Variants in FAM227B observed in about 807,000 individuals in gnomAD.
FAM227B encodes protein FAM227B.
In FAM227B, 88 loss-of-function variants were observed where a neutral mutation model predicts 73.8. The ratio of observed to expected loss-of-function variants is 1.19; its 90% CI spans 1.00 to 1.42. FAM227B has a LOEUF of 1.42. Ranked by LOEUF, FAM227B falls within the 40% of genes most tolerant of loss-of-function variation. The pLI is 0.00. For synonymous variants in FAM227B, 210 were observed against 190.5 expected (o/e 1.10, Z -0.84); for missense variants, 632 against 590.9 (o/e 1.07, Z -0.72).
chr15:49,415,172 A>G (rs1476434387), intron 11 of FAM227B, among the ~76,000 whole-genome samples: 1 of 152,202 alleles, frequency 6.6e-6, no homozygotes. Flanking sequence ...AACATTTTTA[A>G]AAGAAAAATT....
At chr15:49,459,053 CTAATA>C (rs1455746581) in intron 11 of FAM227B, among the ~76,000 whole-genome samples, 2 of 152,180 alleles carry the variant, frequency 1.3e-5, no homozygotes, top group African/African-American at 4.8e-5. Flanking sequence ...TAATACTCAA[CTAATA>C]TATCTTCCTT....
intron 11 of FAM227B, among the ~76,000 whole-genome samples, chr15:49,398,199 C>T (rs1008808739): frequency 3.9e-5 from 6 of 152,068 alleles, no homozygotes; most frequent in Admixed American, 2.6e-4. Context: ...GTTGCAATCC[C>T]AGTCTCTGAT....
At chr15:49,519,998 C>A (rs1430657835) in intron 10 of FAM227B, among the ~76,000 whole-genome samples, 2 of 152,024 alleles carry the variant, frequency 1.3e-5, no homozygotes, top group Non-Finnish European at 2.9e-5. Context: ...TTTAAGAGCA[C>A]CCAAGTCACA....
intron 11 of FAM227B, among the ~76,000 whole-genome samples, chr15:49,479,869 C>A (rs2055762615): frequency 6.6e-6 from 1 of 152,174 alleles, no homozygotes; most frequent in African/African-American, 2.4e-5. Flanking sequence ...CCGCGTTGGC[C>A]TCCCAAAGTG....
chr15:49,510,905 C>T (rs2058947466), intron 10 of FAM227B, among the ~76,000 whole-genome samples: 1 of 151,814 alleles, frequency 6.6e-6, no homozygotes, highest in Non-Finnish European at 1.5e-5. Flanking sequence ...TCTTTCAAAG[C>T]TGCTGTTAAG....
chr15:49,378,886 A>G (rs2046340338), intron 11 of FAM227B, among the ~76,000 whole-genome samples: 1 of 152,102 alleles, frequency 6.6e-6, no homozygotes, highest in Admixed American at 6.6e-5. Context: ...TCTAGATCTT[A>G]GAGCTTTTAG....
At chr15:49,339,415 C>A (rs1042724434) in intron 13 of FAM227B, among the ~76,000 whole-genome samples, 2 of 152,082 alleles carry the variant, frequency 1.3e-5, no homozygotes, top group African/African-American at 4.8e-5. Context: ...GCTGTAGGTC[C>A]GCCCCAGACC....
At chr15:49,427,671 T>C (rs2050242968) in intron 11 of FAM227B, among the ~76,000 whole-genome samples, 1 of 152,070 alleles carries the variant, frequency 6.6e-6, no homozygotes, top group South Asian at 2.1e-4. Flanking sequence ...AGAATGTCAA[T>C]AGGCTTCAGA....
In FAM227B at chr15:49,367,679, A is replaced by G. The variant is rs2045426751; in HGVS notation, c.1111-71T>C. ...TCTAAAAAACTGTGAATAAAATATA[A>G]CTTCATATTTAGCATAAAGTTACCA... On this transcript the variant is annotated intron_variant, in intron 12 of 15. Transcript: ENST00000299338. 2 of 1,345,884 alleles carry G rather than the reference A, an allele frequency of 1.5e-6. 1 individual carries two copies. Among genetic ancestry groups the G allele is most frequent in the African/African-American group, 3.1e-5 (2 of 65,064 alleles). 83.4% of individuals were successfully genotyped at this position (1,345,884 alleles called of 1,614,324 possible).
intron 5 of FAM227B, among the ~76,000 whole-genome samples, chr15:49,578,162 G>A (rs1253249809): frequency 6.6e-6 from 1 of 152,182 alleles, no homozygotes; most frequent in African/African-American, 2.4e-5. Context: ...TCCTGCATTG[G>A]ACTGAAATAG....
intron 4 of FAM227B, among the ~76,000 whole-genome samples, 165 bp from the exon 5 acceptor site, chr15:49,588,248 A>C (rs564852894): frequency 1.3e-4 from 20 of 152,018 alleles, no homozygotes; most frequent in African/African-American, 4.8e-4. Context: ...AGCTGAATGA[A>C]TAACTGGAAT....
At chr15:49,548,344 C>A (rs954771180) in intron 9 of FAM227B, among the ~76,000 whole-genome samples, 75 of 152,106 alleles carry the variant, frequency 4.9e-4, no homozygotes, top group Non-Finnish European at 9.1e-4. Context: ...ATATGTTGAA[C>A]CATCCTTCCA....
intron 5 of FAM227B, 22 bp downstream of exon 5, chr15:49,587,994 G>A (rs368594090): frequency 2.1e-6 from 3 of 1,408,286 alleles, no homozygotes; most frequent in African/African-American, 2.9e-5. Context: ...TTTCAAGGAT[G>A]ATAAAAACAT....
intron 13 of FAM227B, among the ~76,000 whole-genome samples, chr15:49,341,014 G>A (rs527916506): frequency 6.6e-6 from 1 of 152,136 alleles, no homozygotes; most frequent in East Asian, 1.9e-4. Context: ...CATTTATTGA[G>A]TAGGAAGTCC....
chr15:49,479,253 CTTT>C (rs869124113), intron 11 of FAM227B, among the ~76,000 whole-genome samples: 2 of 152,086 alleles, frequency 1.3e-5, no homozygotes, highest in Admixed American at 6.5e-5. Context: ...TTCTCTCTCT[CTTT>C]TATTTATATT....
chr15:49,473,226 T>G (rs1399043209), intron 11 of FAM227B, among the ~76,000 whole-genome samples: 2 of 151,708 alleles, frequency 1.3e-5, no homozygotes, highest in Non-Finnish European at 2.9e-5. Flanking sequence ...ACAGTTTAGT[T>G]AACTCATCCT....
chr15:49,611,708 A>G (rs1018939532), intron 2 of FAM227B, among the ~76,000 whole-genome samples: 1 of 152,260 alleles, frequency 6.6e-6, no homozygotes, highest in Non-Finnish European at 1.5e-5. Flanking sequence ...ATTTCAGTCT[A>G]ATAGATAAAA....
intron 11 of FAM227B, among the ~76,000 whole-genome samples, chr15:49,475,296 G>C (rs1011496099): frequency 2.0e-5 from 3 of 152,182 alleles, no homozygotes; most frequent in Admixed American, 2.0e-4. Context: ...CGCCAATAAA[G>C]AGATTAGAAG....
intron 3 of FAM227B, among the ~76,000 whole-genome samples, chr15:49,610,420 TA>T (rs72044107): frequency 0.37 from 44,053 of 119,512 alleles, 7,301 homozygotes; most frequent in East Asian, 0.57. Context: ...ACATTGAAAG[TA>T]AAAAAAAAAA....
Sources: allele counts gnomAD v4.1 joint callset (sites outside exome capture counted in the v4.1 genomes callset), GRCh38; gene constraint gnomAD v4.1.1; transcripts MANE v1.5; gene names NCBI Gene and HGNC (gene_info 2026-07-23, HGNC 2026-07-21).